Variants in CSMD1 observed in about 807,000 individuals in gnomAD.
CSMD1 encodes CUB and sushi domain-containing protein 1.
Under a neutral mutation model 417.5 loss-of-function variants are expected in CSMD1, and 213 were observed. The ratio of observed to expected loss-of-function variants is 0.51; its 90% CI spans 0.46 to 0.57. CSMD1 has a LOEUF of 0.57. Ranked by LOEUF, CSMD1 falls within the 20% of genes least tolerant of loss-of-function variation. The pLI is 0.00. For missense variants in CSMD1, 6,923 were observed against 4,529.7 expected, an observed-to-expected ratio of 1.53 and a Z score of -15.17; for synonymous variants, 2,862 against 1,736.8, an observed-to-expected ratio of 1.65 and a Z score of -16.11.
At chr8:4,791,132 CTT>C (rs1402671664) in intron 1 of CSMD1, among the ~76,000 whole-genome samples, 4 of 145,452 alleles carry the variant, frequency 2.8e-5, no homozygotes, top group Non-Finnish European at 6.1e-5. Flanking sequence ...GAGGGAGAAA[CTT>C]TTAAGTGAGA....
At chr8:4,251,390 C>T (rs771600841) in intron 3 of CSMD1, among the ~76,000 whole-genome samples, 5 of 152,106 alleles carry the variant, frequency 3.3e-5, no homozygotes, top group African/African-American at 1.2e-4. Context: ...CTTTGATGTC[C>T]TCCTATAAAG....
chr8:3,595,914 G>A (rs867822981), intron 8 of CSMD1, among the ~76,000 whole-genome samples: 8 of 152,172 alleles, frequency 5.3e-5, no homozygotes, highest in Non-Finnish European at 8.8e-5. Flanking sequence ...GGCTTGGGAA[G>A]GAGCTTTGCC....
chr8:3,442,428 G>C (rs1008165020), intron 12 of CSMD1, among the ~76,000 whole-genome samples: 1 of 152,072 alleles, frequency 6.6e-6, no homozygotes, highest in African/African-American at 2.4e-5. Flanking sequence ...ACCTTATACA[G>C]ATGTCCCACT....
At chr8:4,091,549 C>G (rs970835187) in intron 3 of CSMD1, among the ~76,000 whole-genome samples, 1 of 152,152 alleles carries the variant, frequency 6.6e-6, no homozygotes, top group Non-Finnish European at 1.5e-5. Context: ...GCAATGCAAA[C>G]GTGGCCACCG....
At chr8:3,626,776 G>A (rs375006813) in intron 7 of CSMD1, among the ~76,000 whole-genome samples, 15 of 150,064 alleles carry the variant, frequency 1.0e-4, no homozygotes, top group South Asian at 4.2e-4. Flanking sequence ...CAGAATAAGA[G>A]AATAGTGTCA....
At position 3,201,606 on chromosome 8, in the gene CSMD1, A is replaced by C. The variant is rs189271689; in HGVS notation, c.5098+6T>G. Reference sequence around the variant, plus strand: ...TAAATTAAGGGCAAAATTCTTTAAGACTTACCTGAGTGAGACCCCGAGAGT... The same window carrying C: ...TAAATTAAGGGCAAAATTCTTTAAGCCTTACCTGAGTGAGACCCCGAGAGT... On this transcript the variant is annotated splice_donor_region_variant and intron_variant, in intron 32 of 69. Coordinates refer to ENST00000635120, the MANE Select transcript of CSMD1 (RefSeq NM_033225.6). The C allele has an allele frequency of 6.4e-7, 1 of 1,567,134 alleles. No homozygotes were observed. Among genetic ancestry groups the C allele is most frequent in the African/African-American group, 1.4e-5 (1 of 74,046 alleles).
chr8:3,371,775 G>T (rs915348961), intron 18 of CSMD1, among the ~76,000 whole-genome samples: 5 of 151,882 alleles, frequency 3.3e-5, no homozygotes, highest in African/African-American at 4.8e-5. Flanking sequence ...TATAAAAATC[G>T]GCAAAAGAGA....
At chr8:3,972,784 T>C (rs1009811060) in intron 5 of CSMD1, among the ~76,000 whole-genome samples, 1 of 152,230 alleles carries the variant, frequency 6.6e-6, no homozygotes, top group African/African-American at 2.4e-5. Flanking sequence ...ATCTAGCACA[T>C]TTTAGGAATC....
chr8:3,203,341 A>T (rs761067413), intron 31 of CSMD1, among the ~76,000 whole-genome samples: 2 of 152,180 alleles, frequency 1.3e-5, no homozygotes, highest in Non-Finnish European at 2.9e-5. Flanking sequence ...AGTCCCAGTG[A>T]GCAAACTCAA....
At chr8:4,019,362 C>A (rs1487892617) in intron 4 of CSMD1, among the ~76,000 whole-genome samples, 1 of 152,116 alleles carries the variant, frequency 6.6e-6, no homozygotes, top group Non-Finnish European at 1.5e-5. Context: ...TGTGTCTGTT[C>A]CCATACATCT....
rs866303575 is a variant in CSMD1 at position 4,477,243 on chromosome 8, G to T, written c.303-57178C>A. Among the ~76,000 whole-genome samples, 3 of 152,314 alleles carry T rather than the reference G, an allele frequency of 2.0e-5. No individual in the cohort carries two copies. In the Middle Eastern group the frequency reaches 0.01, roughly 518 times the overall value. On this transcript the variant is annotated intron_variant, in intron 2 of 69. Coordinates refer to ENST00000635120, the MANE Select transcript of CSMD1 (RefSeq NM_033225.6). ...GCTCCCAGTGACAGAGCTACCTAGG[G>T]CTAGAGCCACTGCAGCTCCCACTAA...
At chr8:3,396,887 A>T (rs1811735247) in intron 16 of CSMD1, among the ~76,000 whole-genome samples, 1 of 152,288 alleles carries the variant, frequency 6.6e-6, no homozygotes, top group Non-Finnish European at 1.5e-5. Context: ...TCCTGAAAAA[A>T]AAAATCCTGT....
At chr8:4,527,100 G>A (rs562905863) in intron 2 of CSMD1, among the ~76,000 whole-genome samples, 1 of 152,052 alleles carries the variant, frequency 6.6e-6, no homozygotes. Flanking sequence ...AAGCTTCGGA[G>A]GATTCTAACT....
intron 10 of CSMD1, among the ~76,000 whole-genome samples, chr8:3,500,197 T>G (rs2117337025): frequency 6.6e-6 from 1 of 152,300 alleles, no homozygotes; most frequent in East Asian, 1.9e-4. Flanking sequence ...CTCTGTTGCT[T>G]CAGTACAGTG....
intron 11 of CSMD1, among the ~76,000 whole-genome samples, chr8:3,485,880 T>G (rs1414889567): frequency 1.3e-5 from 2 of 151,972 alleles, no homozygotes; most frequent in South Asian, 2.1e-4. Flanking sequence ...AAGGTGAATA[T>G]CCTGGTTGTG....
chr8:3,499,717 G>C (rs149089016), intron 10 of CSMD1, among the ~76,000 whole-genome samples: 1 of 151,926 alleles, frequency 6.6e-6, no homozygotes. Flanking sequence ...TTGAGTGCTG[G>C]GTTCAGGTTT....
chr8:3,681,398 G>C (rs1563267159), intron 7 of CSMD1, among the ~76,000 whole-genome samples: 1 of 152,058 alleles, frequency 6.6e-6, no homozygotes, highest in Non-Finnish European at 1.5e-5. Flanking sequence ...ACCAATAACA[G>C]ACAAACAGAG....
At chr8:4,430,074 AC>A (rs1378357115) in intron 2 of CSMD1, among the ~76,000 whole-genome samples, 5 of 152,206 alleles carry the variant, frequency 3.3e-5, no homozygotes, top group Non-Finnish European at 7.3e-5. Context: ...AAAAGCAGAA[AC>A]AAAACTTAAT....
intron 10 of CSMD1, among the ~76,000 whole-genome samples, chr8:3,566,688 C>A (rs1333418701): frequency 6.6e-6 from 1 of 152,112 alleles, no homozygotes; most frequent in Non-Finnish European, 1.5e-5. Flanking sequence ...AGGTCAACAT[C>A]ACTGATCATT....
Sources: gnomAD v4.1 joint callset for allele counts (sites outside exome capture counted in the v4.1 genomes callset) on GRCh38, gnomAD v4.1.1 for gene constraint, MANE v1.5 for transcripts, NCBI Gene and HGNC (gene_info 2026-07-23, HGNC 2026-07-21) for gene names.